Variants in TBC1D5 observed in about 807,000 individuals in gnomAD.
The protein encoded by TBC1D5 is TBC1 domain family member 5.
Under a neutral mutation model 100.3 loss-of-function variants are expected in TBC1D5, and 75 were observed. The observed-to-expected ratio is 0.75, with a 90% CI of 0.62 to 0.91. The LOEUF is 0.91. TBC1D5 is among the 40% of genes least tolerant of loss of function. The probability of loss-of-function intolerance (pLI) is 0.00; values close to 1 mark genes in which losing one functional copy is unlikely to be tolerated. For synonymous variants in TBC1D5, 323 were observed against 325.6 expected (o/e 0.99, Z 0.09); for missense variants, 910 against 942.4 (o/e 0.97, Z 0.45).
chr3:17,215,432 C>T (rs1339691440), intron 17 of TBC1D5, among the ~76,000 whole-genome samples: 2 of 151,956 alleles, frequency 1.3e-5, no homozygotes, highest in Non-Finnish European at 1.5e-5. Context: ...AATGATGGAG[C>T]GGCTATTTAC....
intron 9 of TBC1D5, among the ~76,000 whole-genome samples, chr3:17,377,828 T>G (rs1165413429): frequency 6.6e-6 from 1 of 152,012 alleles, no homozygotes; most frequent in Non-Finnish European, 1.5e-5. Context: ...CAAAACAATT[T>G]ATGATTCATT....
chr3:17,668,531 A>T (rs2067540370), intron 1 of TBC1D5, among the ~76,000 whole-genome samples: 1 of 152,244 alleles, frequency 6.6e-6, no homozygotes, highest in Admixed American at 6.5e-5. Flanking sequence ...ACCCTAAAGG[A>T]TGGAATTTTA....
intron 1 of TBC1D5, among the ~76,000 whole-genome samples, chr3:17,640,568 CAT>C (rs2064398885): frequency 1.3e-5 from 2 of 151,848 alleles, no homozygotes; most frequent in Admixed American, 6.6e-5. Flanking sequence ...AAAAAGAAAA[CAT>C]AATGTCTAAG....
At chr3:17,248,283 C>T (rs890853324) in intron 16 of TBC1D5, among the ~76,000 whole-genome samples, 6 of 152,214 alleles carry the variant, frequency 3.9e-5, no homozygotes, top group Non-Finnish European at 8.8e-5. Flanking sequence ...TGAGCCACTG[C>T]GCCCGGCCTG....
intron 3 of TBC1D5, among the ~76,000 whole-genome samples, chr3:17,449,512 A>G (rs1005013185): frequency 5.3e-5 from 8 of 152,336 alleles, no homozygotes; most frequent in African/African-American, 1.9e-4. Context: ...CAGCACAGCA[A>G]TCTGAAGTCG....
chr3:17,517,017 G>C (rs1576466496), intron 2 of TBC1D5, among the ~76,000 whole-genome samples: 1 of 152,248 alleles, frequency 6.6e-6, no homozygotes, highest in African/African-American at 2.4e-5. Flanking sequence ...AATTCAACCA[G>C]CACAGAAATG....
At chr3:17,661,299 T>C (rs1465377889) in intron 1 of TBC1D5, among the ~76,000 whole-genome samples, 1 of 152,132 alleles carries the variant, frequency 6.6e-6, no homozygotes, top group African/African-American at 2.4e-5. Flanking sequence ...TGGTTATACA[T>C]CACAGAATCT....
At chr3:17,451,187 T>C (rs2094919346) in intron 3 of TBC1D5, among the ~76,000 whole-genome samples, 1 of 152,066 alleles carries the variant, frequency 6.6e-6, no homozygotes, top group African/African-American at 2.4e-5. Flanking sequence ...TGCTGAGAGA[T>C]TTTGTCACCA....
At chr3:17,266,607 A>C (rs2078877865) in intron 15 of TBC1D5, among the ~76,000 whole-genome samples, 1 of 152,152 alleles carries the variant, frequency 6.6e-6, no homozygotes, top group Non-Finnish European at 1.5e-5. Flanking sequence ...GGAAAATAAA[A>C]CCTAGTTTTT....
At chr3:17,424,248 C>T (rs1055060999) in intron 4 of TBC1D5, among the ~76,000 whole-genome samples, 1 of 152,166 alleles carries the variant, frequency 6.6e-6, no homozygotes, top group Non-Finnish European at 1.5e-5. Flanking sequence ...GCTGGTACTA[C>T]AGCTAAACAG....
chr3:17,232,769 C>T (rs901110590), intron 17 of TBC1D5, among the ~76,000 whole-genome samples: 1 of 151,788 alleles, frequency 6.6e-6, no homozygotes, highest in Non-Finnish European at 1.5e-5. Flanking sequence ...TCTGTTCCAC[C>T]CCCCCTAAAA....
rs60889092 is a variant in TBC1D5 at position 17,591,233 on chromosome 3, C to CAAAAAAAAAAAAAAAAAAAAAA, written c.-36+32594_-36+32615dup. ...ACTGGGCTACAAAGAAAGGATCTGT[C>CAAAAAAAAAAAAAAAAAAAAAA]AAAAAAAAAAAAAAAAAAAAAAAAA... On this transcript the variant is annotated intron_variant, in intron 2 of 21. Coordinates refer to ENST00000253692, the Ensembl canonical transcript of TBC1D5. 6.4e-4 allele frequency among the ~76,000 whole-genome samples: 12 copies of CAAAAAAAAAAAAAAAAAAAAAA among 18,662 alleles called. 1 individual carries two copies. Among genetic ancestry groups the CAAAAAAAAAAAAAAAAAAAAAA allele is most frequent in the East Asian group, 2.0e-3 (1 of 498 alleles). The allele number at this position is 18,662 out of a possible 152,430, so 12.2% of individuals were successfully genotyped here. A position where few individuals can be genotyped will look rare whatever the true frequency, so the allele number is the denominator to read the frequency against.
chr3:17,546,040 T>C (rs1283842258), intron 2 of TBC1D5, among the ~76,000 whole-genome samples: 8 of 152,202 alleles, frequency 5.3e-5, no homozygotes, highest in Non-Finnish European at 7.3e-5. Flanking sequence ...AAATTAGCAA[T>C]TAAATATAAT....
At chr3:17,381,267 T>C (rs1487668306) in intron 9 of TBC1D5, among the ~76,000 whole-genome samples, 1 of 152,066 alleles carries the variant, frequency 6.6e-6, no homozygotes, top group Admixed American at 6.6e-5. Context: ...TTTTTGTTCC[T>C]TGTCCATAGA....
At chr3:17,232,789 A>C (rs953909807) in intron 17 of TBC1D5, among the ~76,000 whole-genome samples, 7 of 152,336 alleles carry the variant, frequency 4.6e-5, no homozygotes, top group Admixed American at 2.6e-4. Context: ...AAAATGGATA[A>C]TATGAGGACA....
At chr3:17,500,031 TACTGTTTCTCTGTCTGCTCAGC>T (rs1290425570) in intron 3 of TBC1D5, among the ~76,000 whole-genome samples, 1 of 149,540 alleles carries the variant, frequency 6.7e-6, no homozygotes, top group Non-Finnish European at 1.5e-5. Context: ...ATTGCAAGGC[TACTGTTTCTCTGTCTGCTCAGC>T]AGTGAGGTTT....
intron 14 of TBC1D5, among the ~76,000 whole-genome samples, chr3:17,300,690 G>T (rs903388191): frequency 6.6e-6 from 1 of 152,192 alleles, no homozygotes; most frequent in Non-Finnish European, 1.5e-5. Context: ...GTGGGTAGAA[G>T]TGCCAAGAAG....
chr3:17,538,547 T>C (rs1380817078), intron 2 of TBC1D5, among the ~76,000 whole-genome samples: 6 of 152,180 alleles, frequency 3.9e-5, no homozygotes, highest in Non-Finnish European at 7.4e-5. Flanking sequence ...TTTAAAACTT[T>C]TTAACAAATT....
intron 3 of TBC1D5, among the ~76,000 whole-genome samples, chr3:17,476,799 C>T (rs549868559): frequency 6.6e-6 from 1 of 151,878 alleles, no homozygotes; most frequent in Non-Finnish European, 1.5e-5. Context: ...ACGTTCTCCA[C>T]AAAAACTACC....
Sources: gnomAD v4.1 joint callset for allele counts (sites outside exome capture counted in the v4.1 genomes callset) on GRCh38, gnomAD v4.1.1 for gene constraint, MANE v1.5 for transcripts, NCBI Gene and HGNC (gene_info 2026-07-23, HGNC 2026-07-21) for gene names.